The following KIF6 variants were observed in gnomAD, a reference collection of about 807,000 sequenced individuals.
The protein encoded by KIF6 is kinesin-like protein KIF6.
In KIF6, 106 loss-of-function variants were observed where a neutral mutation model predicts 112.7. The ratio of observed to expected loss-of-function variants is 0.94; its 90% CI spans 0.80 to 1.11. The LOEUF (loss-of-function observed/expected upper bound fraction) is 1.11. Among genes scored for constraint, KIF6 ranks in the 50% least tolerant of loss-of-function variants. The pLI, the probability that KIF6 is intolerant of heterozygous loss-of-function variation, is 0.00. For missense variants in KIF6, 929 were observed against 964.0 expected (o/e 0.96, Z 0.48); for synonymous variants, 339 against 339.9 (o/e 1.00, Z 0.03).
At chr6:39,610,670 T>C (rs976085692) in intron 6 of KIF6, among the ~76,000 whole-genome samples, 2 of 152,208 alleles carry the variant, frequency 1.3e-5, no homozygotes, top group African/African-American at 4.8e-5. Flanking sequence ...TTTATGTATT[T>C]GCTTTCATTG....
intron 5 of KIF6, among the ~76,000 whole-genome samples, chr6:39,628,426 T>C (rs1450854658): frequency 6.6e-6 from 1 of 152,098 alleles, no homozygotes; most frequent in Non-Finnish European, 1.5e-5. Flanking sequence ...AATTTTATCA[T>C]ATGGGTAGCT....
At chr6:39,403,663 G>T (rs539590609) in intron 15 of KIF6, among the ~76,000 whole-genome samples, 171 of 152,296 alleles carry the variant, frequency 1.1e-3, no homozygotes, top group Middle Eastern at 3.4e-3. Flanking sequence ...TTTCTCTAGG[G>T]TAGGTAGTTG....
intron 3 of KIF6, among the ~76,000 whole-genome samples, chr6:39,668,008 T>TAC (rs1561912899): frequency 6.6e-6 from 1 of 152,128 alleles, no homozygotes; most frequent in African/African-American, 2.4e-5. Flanking sequence ...AAGTGGGTGG[T>TAC]ACCTTGCCCC....
At chr6:39,565,225 T>A (rs1780217684) in intron 10 of KIF6, among the ~76,000 whole-genome samples, 1 of 152,258 alleles carries the variant, frequency 6.6e-6, no homozygotes, top group South Asian at 2.1e-4. Flanking sequence ...CAGTAAGTTC[T>A]TTGTGCTCCT....
intron 13 of KIF6, among the ~76,000 whole-genome samples, chr6:39,479,748 T>C (rs1489428562): frequency 5.9e-5 from 9 of 152,170 alleles, no homozygotes; most frequent in African/African-American, 2.2e-4. Flanking sequence ...GTGTTTCCAT[T>C]TGTTTGTGTC....
At chr6:39,609,304 G>A (rs767359850) in intron 6 of KIF6, among the ~76,000 whole-genome samples, 2 of 152,102 alleles carry the variant, frequency 1.3e-5, no homozygotes, top group Admixed American at 1.3e-4. Flanking sequence ...TCCCAAAGTC[G>A]GCACCGAGTG....
At chr6:39,631,596 A>G (rs1470207562) in intron 5 of KIF6, among the ~76,000 whole-genome samples, 1 of 152,134 alleles carries the variant, frequency 6.6e-6, no homozygotes, top group Non-Finnish European at 1.5e-5. Context: ...ATCTAGAATT[A>G]ATCTCACTTG....
intron 13 of KIF6, among the ~76,000 whole-genome samples, chr6:39,443,067 T>G (rs1772029877): frequency 6.7e-6 from 1 of 150,188 alleles, no homozygotes; most frequent in Non-Finnish European, 1.5e-5. Context: ...TGAGCCGAGA[T>G]CACGCCATTG....
chr6:39,695,885 T>A (rs1164906232), intron 3 of KIF6, among the ~76,000 whole-genome samples: 1 of 152,176 alleles, frequency 6.6e-6, no homozygotes, highest in Non-Finnish European at 1.5e-5. Flanking sequence ...GGCAAAGACA[T>A]GGAATCAACA....
chr6:39,362,179 C>T (rs567025238), intron 17 of KIF6, among the ~76,000 whole-genome samples: 5 of 152,242 alleles, frequency 3.3e-5, no homozygotes, highest in South Asian at 2.1e-4. Context: ...TCTTGGCTCC[C>T]GTAGGTGGCA....
rs1052400488 is a variant in KIF6, at chr6:39,330,059, C to G, written c.*6473G>C. On this transcript the variant is annotated 3_prime_UTR_variant, in exon 23 of 23. Transcript: ENST00000287152. The stretch of plus-strand genomic sequence containing the variant: ...TTCTTTGTCCTATGATGTTAAGAGT[C>G]CATCAAATCAGCATGTTAGCGCAGG... 4 of 152,126 alleles carry G rather than the reference C, an allele frequency of 2.6e-5. No individual in the cohort carries two copies. In the South Asian group the frequency reaches 8.3e-4, roughly 31 times the overall value. The allele number at this position is 152,126 out of a possible 1,614,324, so 9.4% of individuals were successfully genotyped here.
At chr6:39,494,691 T>G (rs1775671971) in intron 13 of KIF6, among the ~76,000 whole-genome samples, 2 of 152,222 alleles carry the variant, frequency 1.3e-5, no homozygotes, top group African/African-American at 4.8e-5. Context: ...TCTTAATTTT[T>G]GGTTCTTTTT....
chr6:39,346,544 T>C lies in KIF6; in HGVS notation c.2181-18A>G, dbSNP rs776761240. The C allele has an allele frequency of 1.4e-4, 95 of 700,948 alleles. No homozygotes were observed. Among genetic ancestry groups the C allele is most frequent in the Non-Finnish European group, 2.4e-4 (92 of 382,414 alleles). 43.4% of individuals were successfully genotyped at this position (700,948 alleles called of 1,614,324 possible). ...CTCCAGAACTGTGAAAAATAAACGT[T>C]TGTTGTTTGAGCCACTCAGTCTATA... is the stretch of plus-strand genomic sequence containing the variant. On this transcript the variant is annotated intron_variant, in intron 19 of 22. Transcript: ENST00000287152.
At chr6:39,511,572 C>T (rs1371060981) in intron 13 of KIF6, among the ~76,000 whole-genome samples, 4 of 152,146 alleles carry the variant, frequency 2.6e-5, no homozygotes, top group Non-Finnish European at 5.9e-5. Context: ...TACCATTTGA[C>T]CCAGCAATCC....
chr6:39,635,045 C>A, intron 4 of KIF6, 87 bp from the exon 5 acceptor site: 1 of 722,614 alleles, frequency 1.4e-6, no homozygotes, highest in Non-Finnish European at 2.5e-6. Context: ...ACTCAGTTTC[C>A]TCATAGTTTC....
chr6:39,665,856 T>G (rs2150820997), intron 3 of KIF6, among the ~76,000 whole-genome samples: 1 of 152,330 alleles, frequency 6.6e-6, no homozygotes, highest in Non-Finnish European at 1.5e-5. Flanking sequence ...TCCCATTTTC[T>G]GTGCTGTGCT....
Position 39,330,566 on chromosome 6 carries a change from G to A in KIF6, c.*5966C>T, listed in dbSNP as rs1052494754. ...CCAGAAGGGGAGGGGTGCTGGCCTGGGGAGGGGCTGCCCTCCTGAGATCAG... is the reference window on the plus strand; with the variant it reads ...CCAGAAGGGGAGGGGTGCTGGCCTGAGGAGGGGCTGCCCTCCTGAGATCAG... On this transcript the variant is annotated 3_prime_UTR_variant, in exon 23 of 23. Coordinates refer to ENST00000287152, the MANE Select transcript of KIF6 (RefSeq NM_145027.6). The A allele has an allele frequency of 1.3e-5, 2 of 152,288 alleles. No homozygotes were observed. Among genetic ancestry groups the A allele is most frequent in the African/African-American group, 4.8e-5 (2 of 41,450 alleles). The allele number at this position is 152,288 out of a possible 1,614,324, so 9.4% of individuals were successfully genotyped here.
chr6:39,531,479 C>T (rs1005390219), intron 13 of KIF6, among the ~76,000 whole-genome samples: 4 of 152,104 alleles, frequency 2.6e-5, no homozygotes, highest in African/African-American at 9.7e-5. Flanking sequence ...TATCTGAGGC[C>T]ATTTCTGCAT....
chr6:39,346,081 TCTCTCCCCC>T (rs1167069332), intron 20 of KIF6, among the ~76,000 whole-genome samples: 1,817 of 23,842 alleles, frequency 0.076, 66 homozygotes, highest in African/African-American at 0.094. Context: ...TCTCTCTCTC[TCTCTCCCCC>T]CCCTCTCCCT....
Sources: gnomAD v4.1 joint callset for allele counts (sites outside exome capture counted in the v4.1 genomes callset) on GRCh38, gnomAD v4.1.1 for gene constraint, MANE v1.5 for transcripts, NCBI Gene and HGNC (gene_info 2026-07-23, HGNC 2026-07-21) for gene names.